Variants in SHANK2 observed in about 807,000 individuals in gnomAD.
The protein encoded by SHANK2 is SH3 and multiple ankyrin repeat domains 2, also known as SH3 and multiple ankyrin repeat domains protein 2.
SHANK2 carries 43 observed loss-of-function variants against 133.7 expected under a neutral mutation model. The observed-to-expected ratio is 0.32, with a 90% confidence interval of 0.25 to 0.41. SHANK2 has a LOEUF of 0.41. Ranked by LOEUF, SHANK2 falls within the 10% of genes least tolerant of loss-of-function variation. The probability of loss-of-function intolerance (pLI) is 1.00; values close to 1 mark genes in which losing one functional copy is unlikely to be tolerated. For synonymous variants in SHANK2, 1,017 were observed against 952.8 expected (o/e 1.07, Z -1.24); for missense variants, 1,994 against 2,235.8 (o/e 0.89, Z 2.18).
intron 1 of SHANK2, among the ~76,000 whole-genome samples, chr11:71,245,991 G>A (rs1487558677): frequency 2.0e-5 from 3 of 152,160 alleles, no homozygotes; most frequent in Non-Finnish European, 2.9e-5. Context: ...GTGCGGGGTG[G>A]CAGGAAAAAC....
At chr11:70,852,201 T>A (rs1372284692) in intron 11 of SHANK2, among the ~76,000 whole-genome samples, 1 of 152,244 alleles carries the variant, frequency 6.6e-6, no homozygotes, top group Non-Finnish European at 1.5e-5. Flanking sequence ...CTCCTCATCC[T>A]GCTGTTTCCA....
chr11:71,224,358 G>GA (rs1954606436), intron 2 of SHANK2, among the ~76,000 whole-genome samples: 1 of 151,972 alleles, frequency 6.6e-6, no homozygotes, highest in South Asian at 2.1e-4. Flanking sequence ...CCGTTCATGT[G>GA]AAAATGACGG....
chr11:70,664,517 G>A (rs1254534780), intron 15 of SHANK2, among the ~76,000 whole-genome samples: 1 of 152,184 alleles, frequency 6.6e-6, no homozygotes, highest in Non-Finnish European at 1.5e-5. Flanking sequence ...CTGGAGCTCA[G>A]GGCCCTGCAC....
chr11:71,094,869 C>T (rs1555095053), intron 6 of SHANK2, among the ~76,000 whole-genome samples, 181 bp from the exon 7 acceptor site: 3 of 152,250 alleles, frequency 2.0e-5, no homozygotes, highest in African/African-American at 7.2e-5. Flanking sequence ...CTCAGGCACC[C>T]CCGTGCGATG....
intron 17 of SHANK2, among the ~76,000 whole-genome samples, chr11:70,651,613 C>T (rs2061340233): frequency 6.6e-6 from 1 of 152,218 alleles, no homozygotes; most frequent in African/African-American, 2.4e-5. Context: ...GCCCCCAATG[C>T]TATTACCCTT....
At position 70,489,240 on chromosome 11, in the gene SHANK2, C is replaced by T. The variant is rs531932087; in HGVS notation, c.2572+88G>A. The stretch of plus-strand genomic sequence containing the variant: ...GAGTTGGCTGTCTGGCAATTCTGTT[C>T]CCAAGGAGTACTAATTTAAGAATAC... On this transcript the variant is annotated intron_variant, in intron 24 of 25. Coordinates refer to ENST00000601538, the MANE Select transcript of SHANK2 (RefSeq NM_012309.5). The T allele has an allele frequency of 1.8e-4, 232 of 1,325,050 alleles. 3 individuals carry two copies. In the South Asian group the frequency reaches 2.6e-3, roughly 15 times the overall value. 82.1% of individuals were successfully genotyped at this position (1,325,050 alleles called of 1,614,324 possible).
chr11:70,550,154 C>T (rs1255514608), intron 17 of SHANK2, among the ~76,000 whole-genome samples: 5 of 152,196 alleles, frequency 3.3e-5, no homozygotes, highest in Non-Finnish European at 7.3e-5. Context: ...GAAAGGGAGG[C>T]ACCATCAACC....
intron 2 of SHANK2, among the ~76,000 whole-genome samples, chr11:71,210,518 G>C (rs1954251948): frequency 6.6e-6 from 1 of 151,774 alleles, no homozygotes; most frequent in African/African-American, 2.4e-5. Flanking sequence ...CCAAAGTGCT[G>C]GGATTACAGG....
chr11:70,621,351 G>A (rs1470324453), intron 17 of SHANK2, among the ~76,000 whole-genome samples: 5 of 152,266 alleles, frequency 3.3e-5, no homozygotes, highest in African/African-American at 9.6e-5. Context: ...GTCACAGGTG[G>A]AACATGCGAA....
At chr11:71,135,252 A>G (rs1340441948) in intron 3 of SHANK2, among the ~76,000 whole-genome samples, 1 of 152,192 alleles carries the variant, frequency 6.6e-6, no homozygotes, top group Admixed American at 6.5e-5. Context: ...CCAGATACCC[A>G]GCATTCACTC....
chr11:70,541,191 G>A (rs1554975109), intron 17 of SHANK2, among the ~76,000 whole-genome samples: 3 of 152,184 alleles, frequency 2.0e-5, no homozygotes, highest in Non-Finnish European at 4.4e-5. Flanking sequence ...AAGATGGAAC[G>A]ATGCTCCCTG....
chr11:70,650,668 A>G (rs1375476801), intron 17 of SHANK2, among the ~76,000 whole-genome samples: 1 of 152,180 alleles, frequency 6.6e-6, no homozygotes, highest in African/African-American at 2.4e-5. Context: ...CACCTTGAAC[A>G]TTCCTGACCC....
chr11:71,138,534 C>T (rs1590948806), intron 3 of SHANK2, among the ~76,000 whole-genome samples: 2 of 151,832 alleles, frequency 1.3e-5, no homozygotes, highest in South Asian at 2.1e-4. Flanking sequence ...CAAGCATATC[C>T]GGCCGGGCGC....
chr11:70,802,439 C>G (rs1431639316), intron 13 of SHANK2, among the ~76,000 whole-genome samples: 1 of 152,168 alleles, frequency 6.6e-6, no homozygotes, highest in East Asian at 1.9e-4. Flanking sequence ...TCCACCTTCT[C>G]CCCCTTGACC....
chr11:71,055,953 T>C (rs1209915067), intron 10 of SHANK2, among the ~76,000 whole-genome samples: 1 of 151,982 alleles, frequency 6.6e-6, no homozygotes, highest in Non-Finnish European at 1.5e-5. Flanking sequence ...AAATGTTAAA[T>C]GTGATGCTAT....
chr11:70,714,804 G>A (rs1273418939), intron 14 of SHANK2, among the ~76,000 whole-genome samples: 2 of 151,478 alleles, frequency 1.3e-5, no homozygotes, highest in African/African-American at 2.4e-5. Context: ...GGTTTTACCT[G>A]TAGCATTTCT....
intron 17 of SHANK2, among the ~76,000 whole-genome samples, chr11:70,625,999 G>C (rs781957676): frequency 3.3e-5 from 5 of 152,054 alleles, no homozygotes; most frequent in Non-Finnish European, 7.4e-5. Context: ...GAGGGCTGCA[G>C]GCCTCTGGGG....
At chr11:70,834,813 C>T (rs879949514) in intron 11 of SHANK2, among the ~76,000 whole-genome samples, 10 of 152,252 alleles carry the variant, frequency 6.6e-5, no homozygotes, top group Admixed American at 3.9e-4. Flanking sequence ...CCTGCAGGAT[C>T]GAGGGAGGCC....
intron 14 of SHANK2, among the ~76,000 whole-genome samples, chr11:70,720,694 C>T (rs533656547): frequency 6.6e-6 from 1 of 152,366 alleles, no homozygotes; most frequent in South Asian, 2.1e-4. Flanking sequence ...GGACTGATAG[C>T]TGTGTGTTCT....
Sources: gnomAD v4.1 joint callset for allele counts (sites outside exome capture counted in the v4.1 genomes callset) on GRCh38, gnomAD v4.1.1 for gene constraint, MANE v1.5 for transcripts, NCBI Gene and HGNC (gene_info 2026-07-23, HGNC 2026-07-21) for gene names.